Variants in ATRN observed in about 807,000 individuals in gnomAD.
ATRN encodes attractin-2.
In ATRN, 54 loss-of-function variants were observed where a neutral mutation model predicts 178.7. The ratio of observed to expected loss-of-function variants is 0.30; its 90% CI spans 0.24 to 0.38. The LOEUF (loss-of-function observed/expected upper bound fraction) is 0.38, where lower values mean the gene tolerates loss of function less well. Among genes scored for constraint, ATRN ranks in the 10% least tolerant of loss-of-function variants. The probability of loss-of-function intolerance (pLI) is 1.00; values close to 1 mark genes in which losing one functional copy is unlikely to be tolerated. For synonymous variants in ATRN, 636 were observed against 663.0 expected (o/e 0.96, Z 0.63); for missense variants, 1,443 against 1,815.1 (o/e 0.79, Z 3.73).
chr20:3,489,339 T>C (rs2084747037), intron 1 of ATRN, among the ~76,000 whole-genome samples: 2 of 152,206 alleles, frequency 1.3e-5, no homozygotes, highest in African/African-American at 4.8e-5. Context: ...CAGAATCTTT[T>C]AAAATATAAA....
chr20:3,493,543 G>C (rs932498835), intron 1 of ATRN, among the ~76,000 whole-genome samples: 3 of 151,902 alleles, frequency 2.0e-5, no homozygotes, highest in Non-Finnish European at 4.4e-5. Flanking sequence ...GATCCTCCCA[G>C]CTCAGCCTCC....
chr20:3,622,903 C>T (rs926985715), intron 24 of ATRN, among the ~76,000 whole-genome samples: 5 of 152,144 alleles, frequency 3.3e-5, no homozygotes, highest in Admixed American at 6.6e-5. Context: ...TGGGTAAAGG[C>T]GGGGGCTGCC....
intron 24 of ATRN, among the ~76,000 whole-genome samples, chr20:3,608,383 A>G (rs1161121063): frequency 6.6e-6 from 1 of 152,136 alleles, no homozygotes; most frequent in African/African-American, 2.4e-5. Context: ...TGATTTTTGT[A>G]TGTGGTGAGA....
At chr20:3,471,626 G>A in intron 1 of ATRN, 109 bp downstream of exon 1, 2 of 1,312,726 alleles carry the variant, frequency 1.5e-6, no homozygotes, top group Non-Finnish European at 1.9e-6. Flanking sequence ...AGTGGAGAGG[G>A]TAGGGCCGCC....
At chr20:3,635,631 C>T (rs1190641319) in intron 26 of ATRN, among the ~76,000 whole-genome samples, 1 of 151,904 alleles carries the variant, frequency 6.6e-6, no homozygotes, top group Admixed American at 6.6e-5. Flanking sequence ...AGATTTAGAA[C>T]AGAAGGGAAG....
At chr20:3,510,212 A>T (rs1355952824) in intron 1 of ATRN, among the ~76,000 whole-genome samples, 2 of 152,230 alleles carry the variant, frequency 1.3e-5, no homozygotes, top group Non-Finnish European at 2.9e-5. Flanking sequence ...GCAGTACAGG[A>T]TCCAGTCTAG....
At chr20:3,540,415 G>T in intron 3 of ATRN, 80 bp downstream of exon 3, 1 of 879,624 alleles carries the variant, frequency 1.1e-6, no homozygotes, top group South Asian at 1.6e-5. Flanking sequence ...TTCTTACTGG[G>T]TTCACCTTTA....
intron 1 of ATRN, among the ~76,000 whole-genome samples, chr20:3,514,805 A>G (rs117267542): frequency 3.9e-5 from 6 of 152,096 alleles, no homozygotes; most frequent in East Asian, 1.9e-4. Flanking sequence ...AAAAATGACA[A>G]AATTATCCAG....
At chr20:3,561,488 T>C (rs887453991) in intron 8 of ATRN, among the ~76,000 whole-genome samples, 11 of 152,116 alleles carry the variant, frequency 7.2e-5, no homozygotes, top group Non-Finnish European at 1.6e-4. Context: ...AATAAATAAA[T>C]AAAAATGGTT....
At chr20:3,612,390 ACT>A (rs1360899076) in intron 24 of ATRN, among the ~76,000 whole-genome samples, 4 of 152,090 alleles carry the variant, frequency 2.6e-5, no homozygotes, top group African/African-American at 4.8e-5. Context: ...ACTTCTTAGG[ACT>A]CTGATCTCTA....
chr20:3,627,433 G>T (rs1307024190), intron 25 of ATRN, among the ~76,000 whole-genome samples: 1 of 152,150 alleles, frequency 6.6e-6, no homozygotes, highest in African/African-American at 2.4e-5. Flanking sequence ...TAAACCTAAA[G>T]AAGTAGAAGA....
intron 2 of ATRN, among the ~76,000 whole-genome samples, chr20:3,539,960 C>G (rs1397549607): frequency 6.6e-6 from 1 of 152,108 alleles, no homozygotes; most frequent in Non-Finnish European, 1.5e-5. Flanking sequence ...TGGGTTGGTT[C>G]AGAAGCTGTT....
At chr20:3,627,774 G>C (rs928674681) in intron 25 of ATRN, among the ~76,000 whole-genome samples, 8 of 152,214 alleles carry the variant, frequency 5.3e-5, no homozygotes, top group African/African-American at 1.9e-4. Context: ...AACTGACACA[G>C]AAGAAGTAAG....
At position 3,629,308 on chromosome 20, in the gene ATRN, G is replaced by A. The variant is rs566222531; in HGVS notation, c.3863+4736G>A. ...CAGCGTCCTGGGTGAACTGGCGTCCGCTTTTCCATATTCAGCTTGCACTCT... is the reference window on the plus strand; with the variant it reads ...CAGCGTCCTGGGTGAACTGGCGTCCACTTTTCCATATTCAGCTTGCACTCT... On this transcript the variant is annotated intron_variant, in intron 25 of 28. Coordinates refer to ENST00000262919, the MANE Select transcript of ATRN (RefSeq NM_139321.3). The A allele has an allele frequency of 5.8e-5, 57 of 985,054 alleles. No individual in the cohort carries two copies. In the South Asian group the frequency reaches 9.4e-4, roughly 16 times the overall value. The allele number at this position is 985,054 out of a possible 1,614,324, so 61.0% of individuals were successfully genotyped here. A position where few individuals can be genotyped will look rare whatever the true frequency, so the allele number is the denominator to read the frequency against.
chr20:3,506,624 C>CAAAA (rs1234061588), intron 1 of ATRN, among the ~76,000 whole-genome samples: 1 of 84,274 alleles, frequency 1.2e-5, no homozygotes, highest in African/African-American at 4.7e-5. Flanking sequence ...GACTACATCT[C>CAAAA]AAAAAAAAAA....
chr20:3,591,422 A>G, intron 19 of ATRN, 116 bp downstream of exon 19: 1 of 1,272,368 alleles, frequency 7.9e-7, no homozygotes, highest in Non-Finnish European at 1.1e-6. Context: ...CACATTTCTT[A>G]TTAAATCATA....
intron 25 of ATRN, among the ~76,000 whole-genome samples, chr20:3,626,051 G>A (rs2086936236): frequency 6.6e-6 from 1 of 152,084 alleles, no homozygotes. Flanking sequence ...GGACAACATG[G>A]CAAAACCTTG....
chr20:3,489,222 A>G (rs1335680455), intron 1 of ATRN, among the ~76,000 whole-genome samples: 3 of 152,112 alleles, frequency 2.0e-5, no homozygotes, highest in South Asian at 2.1e-4. Flanking sequence ...CGGCCTCCCA[A>G]TGTGCTGGCA....
intron 24 of ATRN, among the ~76,000 whole-genome samples, chr20:3,605,731 C>T (rs1415273939): frequency 6.6e-6 from 1 of 152,118 alleles, no homozygotes; most frequent in Non-Finnish European, 1.5e-5. Flanking sequence ...GGGAACAACA[C>T]ACACTGGGGC....
Sources: allele counts gnomAD v4.1 joint callset (sites outside exome capture counted in the v4.1 genomes callset), GRCh38; gene constraint gnomAD v4.1.1; transcripts MANE v1.5; gene names NCBI Gene and HGNC (gene_info 2026-07-23, HGNC 2026-07-21).